TMEM150C: variants seen among roughly 807,000 people sequenced by gnomAD.
The protein encoded by TMEM150C is tentonin 3.
In TMEM150C, 10 loss-of-function variants were observed where a neutral mutation model predicts 29.9. The ratio of observed to expected loss-of-function variants is 0.33; its 90% CI spans 0.21 to 0.57. The LOEUF (loss-of-function observed/expected upper bound fraction) is 0.57. Ranked by LOEUF, TMEM150C falls within the 20% of genes least tolerant of loss-of-function variation. TMEM150C has a pLI of 0.88. For synonymous variants in TMEM150C, 101 were observed against 112.5 expected (o/e 0.90, Z 0.64); for missense variants, 251 against 303.6 (o/e 0.83, Z 1.29).
intron 1 of TMEM150C, among the ~76,000 whole-genome samples, chr4:82,556,795 A>G (rs975456737): frequency 6.6e-6 from 1 of 152,248 alleles, no homozygotes; most frequent in Non-Finnish European, 1.5e-5. Context: ...AAAAGATTAT[A>G]TGGAGCATTT....
chr4:82,557,734 CT>C (rs767919077), intron 1 of TMEM150C, among the ~76,000 whole-genome samples: 22,718 of 131,096 alleles, frequency 0.17, 2,496 homozygotes, highest in African/African-American at 0.38. Flanking sequence ...TTTTCTTTTT[CT>C]TTTTTTTTTT....
intron 1 of TMEM150C, among the ~76,000 whole-genome samples, chr4:82,508,230 C>T (rs938592164): frequency 2.0e-5 from 3 of 152,154 alleles, no homozygotes; most frequent in Non-Finnish European, 4.4e-5. Flanking sequence ...TTCCTCCCAG[C>T]TAGAAGAGTA....
intron 1 of TMEM150C, among the ~76,000 whole-genome samples, chr4:82,535,058 T>C (rs1423319839): frequency 1.3e-5 from 2 of 152,240 alleles, no homozygotes; most frequent in East Asian, 3.8e-4. Context: ...ACCAGAGAAC[T>C]GCTGCATCTT....
intron 1 of TMEM150C, among the ~76,000 whole-genome samples, chr4:82,509,003 T>C (rs1261947525): frequency 6.6e-6 from 1 of 152,180 alleles, no homozygotes; most frequent in Non-Finnish European, 1.5e-5. Context: ...CCAAATGGTA[T>C]CATTTATCCA....
intron 6 of TMEM150C, among the ~76,000 whole-genome samples, chr4:82,492,123 G>T (rs1195500036): frequency 5.4e-5 from 8 of 147,888 alleles, no homozygotes; most frequent in African/African-American, 7.5e-5. Context: ...GTTTTTTGTT[G>T]TTGTTGTTGT....
chr4:82,515,297 C>T (rs1414639492), intron 1 of TMEM150C, among the ~76,000 whole-genome samples: 4 of 152,168 alleles, frequency 2.6e-5, no homozygotes, highest in Admixed American at 1.3e-4. Context: ...TATAAATATG[C>T]GCACATAAGT....
At chr4:82,492,721 T>C (rs922318917) in intron 6 of TMEM150C, among the ~76,000 whole-genome samples, 3 of 148,398 alleles carry the variant, frequency 2.0e-5, no homozygotes, top group Non-Finnish European at 4.5e-5. Flanking sequence ...AATATATATA[T>C]TTTTCAGATT....
At chr4:82,510,018 A>G (rs1053477308) in intron 1 of TMEM150C, among the ~76,000 whole-genome samples, 4 of 152,154 alleles carry the variant, frequency 2.6e-5, no homozygotes, top group African/African-American at 9.7e-5. Flanking sequence ...GGAAAAGTAA[A>G]GCCCAATCTT....
intron 1 of TMEM150C, among the ~76,000 whole-genome samples, chr4:82,523,064 A>G (rs966734087): frequency 6.6e-5 from 10 of 152,184 alleles, no homozygotes; most frequent in African/African-American, 2.4e-4. Flanking sequence ...TAGGGTCCAA[A>G]TGATACAGCT....
intron 1 of TMEM150C, among the ~76,000 whole-genome samples, chr4:82,523,910 G>A (rs951734745): frequency 4.6e-5 from 7 of 151,620 alleles, no homozygotes; most frequent in African/African-American, 1.7e-4. Flanking sequence ...TTGAACTCCT[G>A]ACCTCAGGTG....
intron 1 of TMEM150C, among the ~76,000 whole-genome samples, chr4:82,544,457 G>A (rs1402660612): frequency 6.6e-6 from 1 of 152,184 alleles, no homozygotes; most frequent in Non-Finnish European, 1.5e-5. Context: ...ACCCAGCATA[G>A]GCGCCAGAGT....
At position 82,497,432 on chromosome 4, in the gene TMEM150C, A is replaced by C. The variant is rs141848266; in HGVS notation, c.236-1237T>G. On this transcript the variant is annotated intron_variant, in intron 5 of 7. Coordinates refer to ENST00000449862, the MANE Select transcript of TMEM150C (RefSeq NM_001080506.3). ...AGGCCATTATTAGTAGACATTAATA[A>C]AGAAAATCTATCCATAAATTTGCAT... 7.1e-3 allele frequency among the ~76,000 whole-genome samples: 1,081 copies of C among 152,334 alleles called. 12 individuals are homozygous for C. The highest frequency in any genetic ancestry group is 0.024 in the African/African-American group (1,007 of 41,576).
chr4:82,547,475 G>C (rs183851317), intron 1 of TMEM150C, among the ~76,000 whole-genome samples: 2 of 152,064 alleles, frequency 1.3e-5, no homozygotes, highest in Non-Finnish European at 2.9e-5. Flanking sequence ...TGTAGTCCCA[G>C]CTACTTGGGA....
intron 1 of TMEM150C, among the ~76,000 whole-genome samples, chr4:82,518,608 G>A (rs1724374655): frequency 6.6e-6 from 1 of 152,160 alleles, no homozygotes; most frequent in Admixed American, 6.5e-5. Flanking sequence ...CGGAGTTTGG[G>A]GGGATCATCC....
At chr4:82,517,885 A>G (rs576123348) in intron 1 of TMEM150C, among the ~76,000 whole-genome samples, 4 of 152,364 alleles carry the variant, frequency 2.6e-5, no homozygotes, top group Admixed American at 6.5e-5. Flanking sequence ...GTCATCAGAC[A>G]AAGTGGCTCC....
intron 1 of TMEM150C, among the ~76,000 whole-genome samples, chr4:82,543,888 AT>A (rs1156676937): frequency 6.6e-6 from 1 of 152,060 alleles, no homozygotes; most frequent in Non-Finnish European, 1.5e-5. Flanking sequence ...ACTGTCTTTC[AT>A]TTTTCCTTCT....
intron 1 of TMEM150C, 57 bp downstream of exon 1, chr4:82,561,849 C>A: frequency 1.0e-6 from 1 of 977,840 alleles, no homozygotes; most frequent in Non-Finnish European, 1.2e-6. Flanking sequence ...CGGGGCCGGG[C>A]CGGACGCCCC....
chr4:82,535,503 A>G (rs564044734), intron 1 of TMEM150C, among the ~76,000 whole-genome samples: 1 of 152,340 alleles, frequency 6.6e-6, no homozygotes, highest in African/African-American at 2.4e-5. Context: ...ATGGTATAGA[A>G]GCAATTCAGG....
intron 6 of TMEM150C, chr4:82,490,853 C>A: frequency 1.5e-6 from 1 of 669,324 alleles, no homozygotes; most frequent in South Asian, 1.4e-5. Context: ...GTTCTTTAGC[C>A]TTTGCCTTTT....
Sources: gnomAD v4.1 joint callset for allele counts (sites outside exome capture counted in the v4.1 genomes callset) on GRCh38, gnomAD v4.1.1 for gene constraint, MANE v1.5 for transcripts, NCBI Gene and HGNC (gene_info 2026-07-23, HGNC 2026-07-21) for gene names.